GLIS3: variants seen among roughly 807,000 people sequenced by gnomAD.
The protein encoded by GLIS3 is zinc finger protein GLIS3.
A neutral mutation model predicts 78.6 loss-of-function variants in GLIS3; 53 were observed. The ratio of observed to expected loss-of-function variants is 0.67; its 90% confidence interval spans 0.54 to 0.85. The LOEUF (loss-of-function observed/expected upper bound fraction) is 0.85. Ranked by LOEUF, GLIS3 falls within the 40% of genes least tolerant of loss-of-function variation. The pLI, the probability that GLIS3 is intolerant of heterozygous loss-of-function variation, is 0.00. For synonymous variants in GLIS3, 684 were observed against 509.9 expected (o/e 1.34, Z -4.60); for missense variants, 1,703 against 1,231.1 (o/e 1.38, Z -5.74).
At chr9:4,447,662 C>G in the GLIS3 span, among the ~76,000 whole-genome samples, 2 of 152,176 alleles carry the variant, frequency 1.3e-5, no homozygotes, top group African/African-American at 4.8e-5. Context: ...TGACCTTTGC[C>G]TCCAGGTACT....
chr9:4,202,122 A>T (rs1245487496), intron 2 of GLIS3, among the ~76,000 whole-genome samples: 1 of 149,868 alleles, frequency 6.7e-6, no homozygotes, highest in African/African-American at 2.5e-5. Context: ...TGGGTGACAG[A>T]GCAAGACTCT....
chr9:4,322,704 G>C (rs544354635), intron 2 of GLIS3, among the ~76,000 whole-genome samples: 72 of 152,306 alleles, frequency 4.7e-4, no homozygotes, highest in African/African-American at 1.6e-3. Flanking sequence ...CTGCATAAAA[G>C]TCTTCTTTTG....
At chr9:4,282,506 G>T (rs1413854661) in intron 2 of GLIS3, among the ~76,000 whole-genome samples, 1 of 152,128 alleles carries the variant, frequency 6.6e-6, no homozygotes, top group Non-Finnish European at 1.5e-5. Flanking sequence ...CTGGGACACT[G>T]GCTTTTTCCT....
chr9:4,105,321 C>T (rs1051194974), intron 4 of GLIS3, among the ~76,000 whole-genome samples: 2 of 152,102 alleles, frequency 1.3e-5, no homozygotes, highest in Admixed American at 6.5e-5. Flanking sequence ...AGTGAGAATC[C>T]AACTTCATAA....
At chr9:4,395,108 C>T in the GLIS3 span, among the ~76,000 whole-genome samples, 1 of 152,204 alleles carries the variant, frequency 6.6e-6, no homozygotes, top group African/African-American at 2.4e-5. Context: ...ATGTCTCCAA[C>T]ATACCTGAAG....
At chr9:4,403,919 A>T in the GLIS3 span, among the ~76,000 whole-genome samples, 1 of 152,166 alleles carries the variant, frequency 6.6e-6, no homozygotes, top group Non-Finnish European at 1.5e-5. Flanking sequence ...TCCAATCAAA[A>T]GACAGAGAGT....
intron 2 of GLIS3, among the ~76,000 whole-genome samples, chr9:4,317,659 TCAG>T (rs1474162481): frequency 6.6e-6 from 1 of 152,214 alleles, no homozygotes; most frequent in East Asian, 1.9e-4. Flanking sequence ...TTTTTAAAAA[TCAG>T]CAGGTTGATC....
intron 4 of GLIS3, chr9:4,081,154 A>G (rs762843530): frequency 2.6e-5 from 4 of 152,208 alleles, no homozygotes; most frequent in Non-Finnish European, 5.9e-5. Context: ...AAATTCTTGC[A>G]CATCACTAAG....
At chr9:4,057,708 G>C (rs1051938073) in intron 4 of GLIS3, among the ~76,000 whole-genome samples, 2 of 104,790 alleles carry the variant, frequency 1.9e-5, no homozygotes, top group Admixed American at 1.9e-4. Flanking sequence ...AATGCAGCTA[G>C]GAAAAAAAAA....
intron 6 of GLIS3, among the ~76,000 whole-genome samples, chr9:3,930,617 T>G (rs407920): frequency 6.6e-6 from 1 of 152,174 alleles, no homozygotes; most frequent in Admixed American, 6.5e-5. Context: ...AAATCTGTCA[T>G]CCTAGGTTAC....
At chr9:4,098,705 C>G (rs1200764117) in intron 4 of GLIS3, among the ~76,000 whole-genome samples, 6 of 152,136 alleles carry the variant, frequency 3.9e-5, no homozygotes, top group Non-Finnish European at 1.5e-5. Context: ...TACCTTTTTA[C>G]TTTCTGTTTA....
intron 4 of GLIS3, among the ~76,000 whole-genome samples, chr9:4,000,035 C>G (rs1162775773): frequency 1.3e-5 from 2 of 151,982 alleles, no homozygotes; most frequent in East Asian, 1.9e-4. Flanking sequence ...TAGAAGTGAT[C>G]AGAACAATGT....
intron 2 of GLIS3, among the ~76,000 whole-genome samples, chr9:4,228,109 G>A (rs1055881726): frequency 6.6e-6 from 1 of 151,364 alleles, no homozygotes; most frequent in Non-Finnish European, 1.5e-5. Flanking sequence ...CAAGTGATCA[G>A]GGCCTTGTTG....
chr9:4,018,178 A>G (rs891492348), intron 4 of GLIS3, among the ~76,000 whole-genome samples: 8 of 152,226 alleles, frequency 5.3e-5, no homozygotes, highest in African/African-American at 1.9e-4. Context: ...AGGTAGGAAA[A>G]CTGAAATCAA....
chr9:4,311,243 T>C (rs1817350740), intron 2 of GLIS3, among the ~76,000 whole-genome samples: 2 of 152,090 alleles, frequency 1.3e-5, no homozygotes, highest in Admixed American at 1.3e-4. Context: ...ACCCCGTCTC[T>C]ACTAAAAATA....
At chr9:4,065,255 T>C (rs547042581) in intron 4 of GLIS3, among the ~76,000 whole-genome samples, 1 of 152,312 alleles carries the variant, frequency 6.6e-6, no homozygotes, top group East Asian at 1.9e-4. Flanking sequence ...CACAGAGCCC[T>C]GCTGTGCTAG....
At chr9:4,474,246 G>T in the GLIS3 span, among the ~76,000 whole-genome samples, 2 of 152,262 alleles carry the variant, frequency 1.3e-5, no homozygotes. Flanking sequence ...TAGACAAATA[G>T]ATCAGTAAAA....
At chr9:3,929,672 T>G (rs1257352326) in intron 6 of GLIS3, among the ~76,000 whole-genome samples, 2 of 152,076 alleles carry the variant, frequency 1.3e-5, no homozygotes, top group Non-Finnish European at 2.9e-5. Flanking sequence ...ACTAACAGGG[T>G]GTGACAGAAA....
chr9:4,343,177 A>AG (rs914977466), intron 2 of GLIS3, among the ~76,000 whole-genome samples: 1 of 79,738 alleles, frequency 1.3e-5, no homozygotes, highest in African/African-American at 3.2e-5. Flanking sequence ...CATCTCTTCA[A>AG]AAAAAAATTA....
Sources: allele counts gnomAD v4.1 joint callset (sites outside exome capture counted in the v4.1 genomes callset), GRCh38; gene constraint gnomAD v4.1.1; transcripts MANE v1.5; gene names NCBI Gene and HGNC (gene_info 2026-07-23, HGNC 2026-07-21).